The following CSMD1 variants were observed in gnomAD, a reference collection of about 807,000 sequenced individuals.
The protein encoded by CSMD1 is CUB and sushi domain-containing protein 1.
Under a neutral mutation model 417.5 loss-of-function variants are expected in CSMD1, and 213 were observed. The observed-to-expected ratio is 0.51, with a 90% confidence interval of 0.46 to 0.57. The LOEUF (loss-of-function observed/expected upper bound fraction) is 0.57, where lower values mean the gene tolerates loss of function less well. Ranked by LOEUF, CSMD1 falls within the 20% of genes least tolerant of loss-of-function variation. The probability of loss-of-function intolerance (pLI) is 0.00; values close to 1 mark genes in which losing one functional copy is unlikely to be tolerated. For missense variants in CSMD1, 6,923 were observed against 4,529.7 expected, an observed-to-expected ratio of 1.53 and a Z score of -15.17; for synonymous variants, 2,862 against 1,736.8, an observed-to-expected ratio of 1.65 and a Z score of -16.11.
intron 12 of CSMD1, among the ~76,000 whole-genome samples, chr8:3,454,547 G>A (rs182891600): frequency 6.6e-6 from 1 of 152,118 alleles, no homozygotes; most frequent in Non-Finnish European, 1.5e-5. Flanking sequence ...GTCTGTAAAG[G>A]ATTTTATTTC....
intron 68 of CSMD1, among the ~76,000 whole-genome samples, chr8:2,947,645 C>T (rs1464147299): frequency 6.6e-6 from 1 of 152,190 alleles, no homozygotes; most frequent in Non-Finnish European, 1.5e-5. Flanking sequence ...GACATCTACA[C>T]AGCATCCTGT....
At chr8:4,028,891 A>C (rs1585162601) in intron 4 of CSMD1, among the ~76,000 whole-genome samples, 1 of 152,350 alleles carries the variant, frequency 6.6e-6, no homozygotes, top group East Asian at 1.9e-4. Context: ...TCAAAACCTA[A>C]GAGTTGAAGT....
chr8:3,869,788 C>G (rs1451522565), intron 5 of CSMD1, among the ~76,000 whole-genome samples: 2 of 152,062 alleles, frequency 1.3e-5, no homozygotes, highest in African/African-American at 2.4e-5. Flanking sequence ...TCAGGGAAGG[C>G]AAGATGGGAG....
rs1803585960 is a variant in CSMD1, at chr8:2,962,598, G to C, written c.9496C>G (p.Leu3166Val). 3 of 1,613,926 alleles carry C rather than the reference G, an allele frequency of 1.9e-6. No individual in the cohort carries two copies. Among genetic ancestry groups the C allele is most frequent in the Non-Finnish European group, 2.5e-6 (3 of 1,179,850 alleles). Reference protein sequence around the residue: ...GDPGIPAEGRLSGKSFTYKSE... With the variant: ...GDPGIPAEGRVSGKSFTYKSE... ...TTATAGGTGAAACTTTTCCCACTAA[G>C]TCGCCCTTCTGCGGGGATGCCAGGG... is the stretch of plus-strand genomic sequence containing the variant. Residue 3166 changes from leucine (L) to valine (V), a missense_variant, in exon 61 of 70, where the codon CTT becomes GTT. Coordinates refer to ENST00000635120, the MANE Select transcript of CSMD1 (RefSeq NM_033225.6).
intron 5 of CSMD1, among the ~76,000 whole-genome samples, chr8:3,926,285 C>T (rs1162538427): frequency 2.0e-5 from 3 of 152,142 alleles, no homozygotes; most frequent in Non-Finnish European, 4.4e-5. Context: ...CCAATACTCC[C>T]CTTGTGCCAT....
At chr8:3,097,066 G>C (rs1002880039) in intron 46 of CSMD1, 29 bp from the exon 47 acceptor site, 20 of 1,479,608 alleles carry the variant, frequency 1.4e-5, no homozygotes, top group Non-Finnish European at 1.7e-5. Flanking sequence ...GCAAAAGTTT[G>C]CTTTAATAAA....
At chr8:3,347,930 T>A in intron 22 of CSMD1, 62 bp downstream of exon 22, 2 of 1,163,660 alleles carry the variant, frequency 1.7e-6, no homozygotes, top group Non-Finnish European at 2.4e-6. Context: ...GAAAAATAGA[T>A]AGACAATGTA....
At chr8:3,560,497 C>T (rs991447247) in intron 10 of CSMD1, among the ~76,000 whole-genome samples, 2 of 152,072 alleles carry the variant, frequency 1.3e-5, no homozygotes, top group Admixed American at 1.3e-4. Context: ...TATTAGTGCC[C>T]TAGAAGAAAC....
chr8:3,347,287 G>A (rs1470380779), intron 22 of CSMD1, among the ~76,000 whole-genome samples: 1 of 152,200 alleles, frequency 6.6e-6, no homozygotes, highest in Non-Finnish European at 1.5e-5. Flanking sequence ...GCCATGGAAG[G>A]TTCCCAATTT....
chr8:3,772,321 GTACATATATTTAGACATACATATA>G lies in CSMD1; in HGVS notation c.819-18303_819-18280del, dbSNP rs1554430751. Reference sequence around the variant, plus strand: ...TGTACATATATTTAGACATACATATGTACATATATTTAGACATACATATATACATATATTTATATATACATATAT... The same window carrying G: ...TGTACATATATTTAGACATACATATGTACATATATTTATATATACATATAT... On this transcript the variant is annotated intron_variant, in intron 5 of 69. Transcript: ENST00000635120. 8.3e-4 allele frequency among the ~76,000 whole-genome samples: 34 copies of G among 40,878 alleles called. 1 individual carries two copies. The highest frequency in any genetic ancestry group is 2.3e-3 in the East Asian group (4 of 1,734). The allele number at this position is 40,878 out of a possible 152,430, so 26.8% of individuals were successfully genotyped here.
chr8:4,449,742 A>C (rs562806731), intron 2 of CSMD1, among the ~76,000 whole-genome samples: 19 of 152,202 alleles, frequency 1.2e-4, no homozygotes, highest in African/African-American at 4.6e-4. Context: ...CGGGTGTAGA[A>C]AGAGAAACAA....
At chr8:4,007,326 C>T (rs1816203583) in intron 4 of CSMD1, among the ~76,000 whole-genome samples, 1 of 152,304 alleles carries the variant, frequency 6.6e-6, no homozygotes, top group Admixed American at 6.5e-5. Flanking sequence ...TCATCCTCCA[C>T]CTCCTTTGGC....
chr8:3,306,205 A>C (rs992970061), intron 25 of CSMD1, among the ~76,000 whole-genome samples: 6 of 152,324 alleles, frequency 3.9e-5, no homozygotes, highest in African/African-American at 1.4e-4. Context: ...AATACACATT[A>C]CTAAGCTTGA....
chr8:3,112,336 G>A (rs185982776), intron 42 of CSMD1, among the ~76,000 whole-genome samples: 1 of 152,222 alleles, frequency 6.6e-6, no homozygotes, highest in Non-Finnish European at 1.5e-5. Context: ...TTGCATTTCT[G>A]CTTTTCTAGT....
intron 48 of CSMD1, among the ~76,000 whole-genome samples, chr8:3,088,207 A>G (rs978110431): frequency 1.3e-5 from 2 of 152,236 alleles, no homozygotes; most frequent in Admixed American, 6.5e-5. Context: ...TATGGCTAAA[A>G]GTCTCTGCAT....
In CSMD1 at chr8:3,169,277, T is replaced by C. The variant is rs149850409; in HGVS notation, c.5726-7000A>G. 1.4e-4 allele frequency among the ~76,000 whole-genome samples: 21 copies of C among 152,306 alleles called. No homozygotes were observed. In the East Asian group the frequency reaches 3.9e-3, roughly 28 times the overall value. On this transcript the variant is annotated intron_variant, in intron 37 of 69. Transcript: ENST00000635120. ...GAGACAAGTTTCAGGACTTTGGATT[T>C]GGCATTGATTTTTTGATAGGAGACC... is the stretch of plus-strand genomic sequence containing the variant.
At chr8:4,535,536 T>G (rs554086722) in intron 2 of CSMD1, among the ~76,000 whole-genome samples, 13 of 152,146 alleles carry the variant, frequency 8.5e-5, no homozygotes, top group Admixed American at 5.2e-4. Flanking sequence ...ATTTTTTATC[T>G]TGTAACAGTA....
rs998328069 is a variant in CSMD1, at chr8:3,894,513, T to TA, written c.818+103389dup. Among the ~76,000 whole-genome samples the TA allele has an allele frequency of 1.5e-4, 23 of 151,292 alleles. No individual in the cohort carries two copies. In the South Asian group the frequency reaches 1.7e-3, roughly 11 times the overall value. The stretch of plus-strand genomic sequence containing the variant: ...CAAGTAGTTTTAACATTTGCCAAAT[T>TA]AAAAAAAAATAATCCTATGATAGAT... On this transcript the variant is annotated intron_variant, in intron 5 of 69. Coordinates refer to ENST00000635120, the MANE Select transcript of CSMD1 (RefSeq NM_033225.6).
intron 39 of CSMD1, among the ~76,000 whole-genome samples, chr8:3,157,457 C>A (rs1045408878): frequency 2.0e-5 from 3 of 152,190 alleles, no homozygotes; most frequent in Admixed American, 6.5e-5. Flanking sequence ...CAGGCTGTTT[C>A]CAACATGAAA....
Sources: allele counts gnomAD v4.1 joint callset (sites outside exome capture counted in the v4.1 genomes callset), GRCh38; gene constraint gnomAD v4.1.1; transcripts MANE v1.5; gene names NCBI Gene and HGNC (gene_info 2026-07-23, HGNC 2026-07-21).